Variants in PTPN11 observed in about 807,000 individuals in gnomAD.
PTPN11 encodes the protein protein tyrosine phosphatase non-receptor type 11.
PTPN11 carries 6 observed loss-of-function variants against 78.8 expected under a neutral mutation model. The ratio of observed to expected loss-of-function variants is 0.08; its 90% CI spans 0.04 to 0.15. The LOEUF is 0.15. Among genes scored for constraint, PTPN11 ranks in the 10% least tolerant of loss-of-function variants. The pLI, the probability that PTPN11 is intolerant of heterozygous loss-of-function variation, is 1.00. For synonymous variants in PTPN11, 221 were observed against 263.5 expected, an observed-to-expected ratio of 0.84 and a Z score of 1.56; for missense variants, 386 against 744.8, an observed-to-expected ratio of 0.52 and a Z score of 5.61.
At position 112,456,079 on chromosome 12, in the gene PTPN11, A is replaced by T. The variant is rs1174803441; in HGVS notation, c.756+16A>T. 1.3e-6 allele frequency: 2 copies of T among 1,522,594 alleles called. No individual in the cohort carries two copies. Among genetic ancestry groups the T allele is most frequent in the Non-Finnish European group, 1.8e-6 (2 of 1,097,270 alleles). 94.3% of individuals were successfully genotyped at this position (1,522,594 alleles called of 1,614,324 possible). A position where few individuals can be genotyped will look rare whatever the true frequency, so the allele number is the denominator to read the frequency against. ...AGAATTTGAGGTAAGTTATTAAAAA[A>T]CTGTTTTTACGTGAGTTGTTATATC... On this transcript the variant is annotated intron_variant, in intron 6 of 15. Coordinates refer to ENST00000351677, the MANE Select transcript of PTPN11 (RefSeq NM_002834.5).
intron 13 of PTPN11, among the ~76,000 whole-genome samples, chr12:112,498,461 A>G (rs1325657363): frequency 6.6e-6 from 1 of 152,166 alleles, no homozygotes; most frequent in African/African-American, 2.4e-5. Context: ...TTTTCATTTT[A>G]CCCTCTCTTC....
In PTPN11 at chr12:112,502,171, A is replaced by G; in HGVS notation, c.1627A>G (p.Thr543Ala). ...AAGCAAGAGGAAAGGGCACGAATAT[A>G]CAAATATTAAGTATTCTCTAGCGGA... ...QKSKRKGHEY[T>A]NIKYSLADQT... is the part of the protein sequence containing the mutation. Residue 543 changes from threonine to alanine, a missense_variant, in exon 14 of 16, where the codon ACA becomes GCA. Around this residue, in one of 3 missense-constraint regions of PTPN11, gnomAD observed 63 missense variants for 182.2 expected, o/e 0.35. Transcript: ENST00000351677. The G allele has an allele frequency of 6.2e-7, 1 of 1,613,848 alleles. No homozygotes were observed. Among genetic ancestry groups the G allele is most frequent in the Admixed American group, 1.7e-5 (1 of 60,010 alleles).
intron 13 of PTPN11, among the ~76,000 whole-genome samples, chr12:112,490,521 A>G (rs927764099): frequency 1.3e-5 from 2 of 152,202 alleles, no homozygotes; most frequent in Admixed American, 1.3e-4. Flanking sequence ...TGCCCAGGCT[A>G]GTCTCGAATT....
chr12:112,424,891 ATG>A lies in PTPN11; in HGVS notation c.14+5793_14+5794del, dbSNP rs1223840459. Among the ~76,000 whole-genome samples the A allele has an allele frequency of 6.1e-3, 486 of 79,850 alleles. 1 individual carries two copies. The highest frequency in any genetic ancestry group is 0.037 in the Middle Eastern group (6 of 162). 52.4% of individuals were successfully genotyped at this position (79,850 alleles called of 152,430 possible). A position where few individuals can be genotyped will look rare whatever the true frequency, so the allele number is the denominator to read the frequency against. The stretch of plus-strand genomic sequence containing the variant: ...ATTGTGTGTGTGTGTGTGTGTGTGT[ATG>A]TGTGTGTGTGTGTGTGTGTGTGTGT... On this transcript the variant is annotated intron_variant, in intron 1 of 15. Coordinates refer to ENST00000351677, the MANE Select transcript of PTPN11 (RefSeq NM_002834.5).
intron 4 of PTPN11, 60 bp from the exon 5 acceptor site, chr12:112,454,504 G>A: frequency 7.8e-7 from 1 of 1,278,926 alleles, no homozygotes; most frequent in South Asian, 1.2e-5. Flanking sequence ...GAGAGTGCTT[G>A]AAAACACTAA....
intron 7 of PTPN11, among the ~76,000 whole-genome samples, chr12:112,475,324 CTTTA>C (rs2038484244): frequency 6.6e-6 from 1 of 151,872 alleles, no homozygotes; most frequent in South Asian, 2.1e-4. Flanking sequence ...TACAACTTCT[CTTTA>C]TTTATATCCT....
intron 1 of PTPN11, among the ~76,000 whole-genome samples, chr12:112,432,885 G>A (rs958858967): frequency 6.6e-6 from 1 of 151,320 alleles, no homozygotes; most frequent in African/African-American, 2.4e-5. Context: ...TTTTGAGATG[G>A]AGTCTTGCTG....
At chr12:112,472,793 G>C (rs1334703164) in intron 6 of PTPN11, 151 bp from the exon 7 acceptor site, 6 of 767,526 alleles carry the variant, frequency 7.8e-6, no homozygotes, top group Non-Finnish European at 1.4e-5. Context: ...AAGCCATCAC[G>C]CCTGACCCAG....
intron 1 of PTPN11, among the ~76,000 whole-genome samples, chr12:112,433,608 A>G (rs1331959908): frequency 6.6e-6 from 1 of 152,240 alleles, no homozygotes; most frequent in Non-Finnish European, 1.5e-5. Flanking sequence ...AAGAAGGGTT[A>G]GATTATGGAT....
At chr12:112,475,097 T>G (rs900653834) in intron 7 of PTPN11, among the ~76,000 whole-genome samples, 1 of 152,234 alleles carries the variant, frequency 6.6e-6, no homozygotes, top group African/African-American at 2.4e-5. Context: ...CTTTGCATTT[T>G]TATCTCACTT....
rs2038884191 is a variant in PTPN11 at position 112,502,229 on chromosome 12, C to T, written c.1685C>T (p.Pro562Leu). The part of the protein sequence containing the change: ...QTSGDQSPLP[P>L]CTPTPPCAEM... ...AGTGGAGATCAGAGCCCTCTCCCGC[C>T]TTGTACTCCAACGCCACCCTGTGCA... Residue 562 changes from proline to leucine, a missense_variant, in exon 14 of 16, where the codon CCT (proline) becomes CTT (leucine). This residue lies in a region of PTPN11 where 44 missense variants were observed against 59.3 expected (regional missense o/e 0.74). Coordinates refer to ENST00000351677, the MANE Select transcript of PTPN11 (RefSeq NM_002834.5). 1 of 1,613,610 alleles carries T rather than the reference C, an allele frequency of 6.2e-7. No individual in the cohort carries two copies.
chr12:112,481,780 C>T (rs928587672), intron 9 of PTPN11, among the ~76,000 whole-genome samples: 1 of 152,140 alleles, frequency 6.6e-6, no homozygotes, highest in East Asian at 1.9e-4. Flanking sequence ...GCATGAGCCA[C>T]TGCGCCCCAG....
rs951132567 is a variant in PTPN11 at position 112,482,961 on chromosome 12, C to G, written c.1224+756C>G. The stretch of plus-strand genomic sequence containing the variant: ...TCATGTGGACATTCATCTATTCATT[C>G]AGAGATATTTGTTCAATGACCTCTT... On this transcript the variant is annotated intron_variant, in intron 10 of 15. Transcript: ENST00000351677. This position sits in a 1 kb window ranked among gnomAD's most constrained non-coding sequence, Gnocchi z 4.4. Among the ~76,000 whole-genome samples the G allele has an allele frequency of 6.6e-6, 1 of 152,154 alleles. No individual in the cohort carries two copies. Among genetic ancestry groups the G allele is most frequent in the African/African-American group, 2.4e-5 (1 of 41,414 alleles).
chr12:112,453,153 C>A (rs1423269404), intron 3 of PTPN11, 42 bp from the exon 4 acceptor site: 1 of 1,535,320 alleles, frequency 6.5e-7, no homozygotes, highest in South Asian at 1.1e-5. Flanking sequence ...AACATGAACC[C>A]ATAGTAGAGC....
In PTPN11 at chr12:112,506,764, C is replaced by T. The variant is rs2135932707; in HGVS notation, c.*972C>T. The T allele has an allele frequency of 6.5e-6, 1 of 153,528 alleles. No homozygotes were observed. The highest frequency in any genetic ancestry group is 2.0e-4 in the South Asian group (1 of 4,904). The allele number at this position is 153,528 out of a possible 1,614,324, so 9.5% of individuals were successfully genotyped here. A position where few individuals can be genotyped will look rare whatever the true frequency, so the allele number is the denominator to read the frequency against. ...GAGAGACTGGGATGGCTGGGCTTCT[C>T]TCTCTGCCTGCAGTCCTGAGTCTCT... On this transcript the variant is annotated 3_prime_UTR_variant, in exon 16 of 16. Transcript: ENST00000351677.
At chr12:112,503,764 G>A (rs1021506247) in intron 14 of PTPN11, among the ~76,000 whole-genome samples, 12 of 152,116 alleles carry the variant, frequency 7.9e-5, no homozygotes, top group South Asian at 6.2e-4. Context: ...TTTCATTCCC[G>A]TCGTCTCCCT....
intron 1 of PTPN11, among the ~76,000 whole-genome samples, chr12:112,442,857 TATATATATATATATATATATAA>T (rs1396618010): frequency 3.9e-5 from 3 of 76,142 alleles, no homozygotes; most frequent in African/African-American, 1.9e-4. Context: ...TATATATATA[TATATATATATATATATATATAA>T]ATTATATATA....
At chr12:112,443,249 T>C (rs919703751) in intron 1 of PTPN11, among the ~76,000 whole-genome samples, 2 of 152,124 alleles carry the variant, frequency 1.3e-5, no homozygotes, top group African/African-American at 4.8e-5. Context: ...TTTGGTCCAT[T>C]ATATGTCCAG....
intron 2 of PTPN11, among the ~76,000 whole-genome samples, chr12:112,447,203 A>AAC: frequency 6.6e-6 from 1 of 152,198 alleles, no homozygotes; most frequent in East Asian, 1.9e-4. Context: ...ATACTTGTTA[A>AAC]GAGTTTCTTC....
Sources: allele counts gnomAD v4.1 joint callset (sites outside exome capture counted in the v4.1 genomes callset), GRCh38; gene constraint gnomAD v4.1.1; regional missense constraint gnomAD v4.1.1; non-coding constraint Gnocchi (gnomAD v3.1); transcripts MANE v1.5; gene names NCBI Gene and HGNC (gene_info 2026-07-23, HGNC 2026-07-21).